The following BLMH variants were observed in gnomAD, a reference collection of about 807,000 sequenced individuals.
The protein encoded by BLMH is bleomycin hydrolase.
A neutral mutation model predicts 61.6 loss-of-function variants in BLMH; 32 were observed. That is an observed-to-expected ratio of 0.52 (90% CI 0.39 to 0.70). The LOEUF (loss-of-function observed/expected upper bound fraction) is 0.70. Among genes scored for constraint, BLMH ranks in the 30% least tolerant of loss-of-function variants. The pLI, the probability that BLMH is intolerant of heterozygous loss-of-function variation, is 0.00. For missense variants in BLMH, 460 were observed against 555.5 expected (o/e 0.83, Z 1.73); for synonymous variants, 183 against 193.8 (o/e 0.94, Z 0.46).
chr17:30,255,387 C>T (rs912323995), intron 11 of BLMH, among the ~76,000 whole-genome samples: 12 of 152,114 alleles, frequency 7.9e-5, no homozygotes, highest in African/African-American at 1.7e-4. Context: ...CACCTAATGA[C>T]GCATTTCAGA....
At chr17:30,285,311 A>C (rs1449237207) in intron 6 of BLMH, 77 bp downstream of exon 6, 3 of 1,006,742 alleles carry the variant, frequency 3.0e-6, no homozygotes, top group Admixed American at 4.8e-5. Context: ...AAAGCTTCCT[A>C]ATCATTACTT....
rs1204244952 is a variant in BLMH, at chr17:30,265,548, T to A, written c.1216+1337A>T. 2.6e-5 allele frequency among the ~76,000 whole-genome samples: 4 copies of A among 152,286 alleles called. No homozygotes were observed. The East Asian group carries it at 5.8e-4, about 22-fold the overall frequency. On this transcript the variant is annotated intron_variant, in intron 11 of 11. Coordinates refer to ENST00000261714, the MANE Select transcript of BLMH (RefSeq NM_000386.4). ...TAAAATTTCTTTTTCTTTCTTTTTTTAAAAATAAAATGCCTGGCTAATTCC... is the reference window on the plus strand; with the variant it reads ...TAAAATTTCTTTTTCTTTCTTTTTTAAAAAATAAAATGCCTGGCTAATTCC...
Position 30,291,813 on chromosome 17 carries a change from T to A in BLMH, c.7A>T (p.Ser3Cys). 7.3e-7 allele frequency: 1 copy of A among 1,373,928 alleles called. No homozygotes were observed. Among genetic ancestry groups the A allele is most frequent in the Non-Finnish European group, 9.4e-7 (1 of 1,068,186 alleles). The allele number at this position is 1,373,928 out of a possible 1,614,324, so 85.1% of individuals were successfully genotyped here. A position where few individuals can be genotyped will look rare whatever the true frequency, so the allele number is the denominator to read the frequency against. ...GGGGACGGCGGCACCTCACCCGAGC[T>A]GCTCATGGCGCCCACGCTGCCCGGC... MS[S>C]SGLNSEKVAA... The change falls in exon 1 of 12, where the codon AGC becomes TGC. Residue 3 changes from serine (S) to cysteine (C), a missense_variant. Coordinates refer to ENST00000261714, the MANE Select transcript of BLMH (RefSeq NM_000386.4).
At chr17:30,281,091 T>G (rs1191180577) in intron 6 of BLMH, among the ~76,000 whole-genome samples, 1 of 145,938 alleles carries the variant, frequency 6.9e-6, no homozygotes, top group African/African-American at 2.6e-5. Context: ...GTTTCTTTGT[T>G]GTTTTTTTTT....
At position 30,248,982 on chromosome 17, in the gene BLMH, G is replaced by C. The variant is rs773850136; in HGVS notation, c.*35C>G. 6.2e-7 allele frequency: 1 copy of C among 1,611,700 alleles called. No individual in the cohort carries two copies. The highest frequency in any genetic ancestry group is 8.5e-7 in the Non-Finnish European group (1 of 1,178,902). ...GATCTGTCCTTTGCAGCTACGTCAG[G>C]TTCCATGGAAGGAGGAAAGAGCTGG... On this transcript the variant is annotated 3_prime_UTR_variant, in exon 12 of 12. Coordinates refer to ENST00000261714, the MANE Select transcript of BLMH (RefSeq NM_000386.4).
chr17:30,261,815 A>T (rs944941488), intron 11 of BLMH, among the ~76,000 whole-genome samples: 1 of 152,226 alleles, frequency 6.6e-6, no homozygotes, highest in African/African-American at 2.4e-5. Context: ...AGCAGCAGAA[A>T]TCTACATATA....
intron 6 of BLMH, among the ~76,000 whole-genome samples, chr17:30,281,949 A>G (rs2143031299): frequency 6.6e-6 from 1 of 152,336 alleles, no homozygotes; most frequent in African/African-American, 2.4e-5. Flanking sequence ...TATCCTATAT[A>G]TTGTTTTCAA....
At chr17:30,264,905 A>C (rs1908058413) in intron 11 of BLMH, among the ~76,000 whole-genome samples, 2 of 152,218 alleles carry the variant, frequency 1.3e-5, no homozygotes, top group South Asian at 4.1e-4. Flanking sequence ...CTAAACTGTG[A>C]GTTATTTTTA....
rs1314183954 is a variant in BLMH at position 30,286,868 on chromosome 17, A to G, written c.498T>C (p.Pro166=). The change falls in exon 5 of 12, where the codon CCT becomes CCC. Residue 166 remains proline, a synonymous_variant. Transcript: ENST00000261714. The part of the protein sequence containing the change: ...KYGVIPKKCF[P]ESYTTEATRR... ...TGGTTGCCTCTGTTGTATAAGATTC[A>G]GGGAAGCATTTCTTAGGGATAACAC... 6.3e-7 allele frequency: 1 copy of G among 1,595,748 alleles called. No homozygotes were observed. The highest frequency in any genetic ancestry group is 1.1e-5 in the South Asian group (1 of 90,636).
chr17:30,260,355 C>G (rs552331361), intron 11 of BLMH, among the ~76,000 whole-genome samples: 1 of 152,220 alleles, frequency 6.6e-6, no homozygotes, highest in Non-Finnish European at 1.5e-5. Context: ...CAAAACTCTA[C>G]ATTCAATATG....
At chr17:30,268,077 T>TTA (rs1908158776) in intron 10 of BLMH, among the ~76,000 whole-genome samples, 1 of 152,240 alleles carries the variant, frequency 6.6e-6, no homozygotes, top group African/African-American at 2.4e-5. Flanking sequence ...AACCATATCG[T>TTA]TATATACTAT....
At chr17:30,283,269 G>C (rs147431323) in intron 6 of BLMH, among the ~76,000 whole-genome samples, 1 of 152,174 alleles carries the variant, frequency 6.6e-6, no homozygotes, top group East Asian at 1.9e-4. Context: ...TGGTAAAGTT[G>C]GATCTACTAT....
Position 30,271,032 on chromosome 17 carries a change from A to AGT in BLMH, c.1146+238_1146+239insAC, listed in dbSNP as rs1196840835. Among the ~76,000 whole-genome samples, 7 of 152,350 alleles carry AGT rather than the reference A, an allele frequency of 4.6e-5. No individual in the cohort carries two copies. The South Asian group carries it at 1.2e-3, about 27-fold the overall frequency. On this transcript the variant is annotated intron_variant, in intron 10 of 11. Coordinates refer to ENST00000261714, the MANE Select transcript of BLMH (RefSeq NM_000386.4). ...AAACCATGACCTTCCAAAGTTACAGAAACAGTTACTTGGTCGCTCCCTGCT... is the reference window on the plus strand; with the variant it reads ...AAACCATGACCTTCCAAAGTTACAGAGTAACAGTTACTTGGTCGCTCCCTGCT...
intron 11 of BLMH, among the ~76,000 whole-genome samples, chr17:30,265,740 G>A (rs748326106): frequency 6.6e-6 from 1 of 152,164 alleles, no homozygotes; most frequent in Admixed American, 6.5e-5. Context: ...CTCTGAGAAA[G>A]AACTGGCTAT....
At position 30,274,062 on chromosome 17, in the gene BLMH, G is replaced by C. The variant is rs369965286; in HGVS notation, c.781C>G (p.Leu261Val). 6 of 1,614,004 alleles carry C rather than the reference G, an allele frequency of 3.7e-6. No homozygotes were observed. Among genetic ancestry groups the C allele is most frequent in the Non-Finnish European group, 5.1e-6 (6 of 1,180,030 alleles). The change falls in exon 7 of 12, where the codon CTC (leucine) becomes GTC (valine). Residue 261 changes from leucine (L) to valine (V), a missense_variant. Coordinates refer to ENST00000261714, the MANE Select transcript of BLMH (RefSeq NM_000386.4). ...CCAACCTTATCTTCCATATTGAAGA[G>C]TGGCTTGACATGTTCCCTGTAAAAC... The part of the protein sequence containing the change: ...LEFYREHVKP[L>V]FNMEDKICLV...
At position 30,260,708 on chromosome 17, in the gene BLMH, G is replaced by A. The variant is rs369895515; in HGVS notation, c.1216+6177C>T. ...CAGCCTGGCCAACAGGTGAAACACC[G>A]TCTCTATTAAAAATACAAAAAAAAA... On this transcript the variant is annotated intron_variant, in intron 11 of 11. Transcript: ENST00000261714. 5.9e-5 allele frequency among the ~76,000 whole-genome samples: 9 copies of A among 151,840 alleles called. 1 individual carries two copies. In the South Asian group the frequency reaches 1.3e-3, roughly 21 times the overall value.
chr17:30,263,783 A>G (rs1320086487), intron 11 of BLMH, among the ~76,000 whole-genome samples: 1 of 152,252 alleles, frequency 6.6e-6, no homozygotes, highest in African/African-American at 2.4e-5. Context: ...TTGCCCAGGT[A>G]TCTTTGCTCT....
intron 11 of BLMH, among the ~76,000 whole-genome samples, chr17:30,262,786 C>T (rs1907995377): frequency 6.6e-6 from 1 of 152,150 alleles, no homozygotes. Flanking sequence ...CAGAGCAAGA[C>T]TCCGTCTCAA....
chr17:30,288,397 G>A (rs1398888385), intron 3 of BLMH, among the ~76,000 whole-genome samples: 1 of 152,102 alleles, frequency 6.6e-6, no homozygotes, highest in South Asian at 2.1e-4. Flanking sequence ...ATGCTCTGTT[G>A]CCTAGGCTGG....
Sources: allele counts gnomAD v4.1 joint callset (sites outside exome capture counted in the v4.1 genomes callset), GRCh38; gene constraint gnomAD v4.1.1; transcripts MANE v1.5; gene names NCBI Gene and HGNC (gene_info 2026-07-23, HGNC 2026-07-21).